Variants in THRB observed in about 807,000 individuals in gnomAD.
The protein encoded by THRB is thyroid hormone receptor beta.
THRB carries 12 observed loss-of-function variants against 47.8 expected under a neutral mutation model. That is an observed-to-expected ratio of 0.25 (90% confidence interval 0.16 to 0.41). The LOEUF (loss-of-function observed/expected upper bound fraction) is 0.41. Among genes scored for constraint, THRB ranks in the 10% least tolerant of loss-of-function variants. The pLI is 1.00. For missense variants in THRB, 348 were observed against 589.2 expected, an observed-to-expected ratio of 0.59 and a Z score of 4.24; for synonymous variants, 218 against 212.2, an observed-to-expected ratio of 1.03 and a Z score of -0.24.
At chr3:24,232,497 TAGGCCCTTCTTTC>T (rs2048356184) in intron 3 of THRB, among the ~76,000 whole-genome samples, 1 of 152,158 alleles carries the variant, frequency 6.6e-6, no homozygotes, top group African/African-American at 2.4e-5. Context: ...CCCAGACCTT[TAGGCCCTTCTTTC>T]AAATAGACCT....
rs57780481 is a variant in THRB at position 24,487,152 on chromosome 3, T to TTG, written c.-261+7498_-261+7499dup. 7.4e-3 allele frequency among the ~76,000 whole-genome samples: 1,119 copies of TTG among 151,086 alleles called. 7 individuals are homozygous for TTG. The highest frequency in any genetic ancestry group is 0.019 in the African/African-American group (788 of 41,252). On this transcript the variant is annotated intron_variant, in intron 1 of 10. Coordinates refer to ENST00000646209, the MANE Select transcript of THRB (RefSeq NM_001354712.2). ...GTGTTGTATACAAGTTGCTAGGGGT[T>TTG]TGTGTGTGTGTGTGTGTGAAAAAGC...
chr3:24,158,021 G>A (rs2038136438), intron 5 of THRB, among the ~76,000 whole-genome samples: 1 of 152,186 alleles, frequency 6.6e-6, no homozygotes, highest in Non-Finnish European at 1.5e-5. Flanking sequence ...TTGATATAAT[G>A]CGTTTGAGTT....
intron 4 of THRB, among the ~76,000 whole-genome samples, chr3:24,210,685 G>A (rs2045930961): frequency 6.6e-6 from 1 of 152,198 alleles, no homozygotes; most frequent in African/African-American, 2.4e-5. Flanking sequence ...TGGCACTGGA[G>A]TTCCTAATTT....
chr3:24,128,726 A>G (rs2033324430), intron 9 of THRB, among the ~76,000 whole-genome samples: 1 of 126,562 alleles, frequency 7.9e-6, no homozygotes. Flanking sequence ...TTACTTACAG[A>G]TGTGGAAATC....
intron 1 of THRB, among the ~76,000 whole-genome samples, chr3:24,373,395 T>A (rs1447588021): frequency 6.6e-6 from 1 of 152,104 alleles, no homozygotes; most frequent in Non-Finnish European, 1.5e-5. Flanking sequence ...TTCAGTACCA[T>A]GTAGATTTTT....
chr3:24,365,185 C>A (rs1257864501), intron 1 of THRB, among the ~76,000 whole-genome samples: 1 of 152,104 alleles, frequency 6.6e-6, no homozygotes, highest in Middle Eastern at 3.2e-3. Flanking sequence ...GCCTTATTCA[C>A]CAACAGTTAC....
intron 4 of THRB, among the ~76,000 whole-genome samples, chr3:24,197,343 T>C (rs1300969637): frequency 1.3e-5 from 2 of 152,248 alleles, no homozygotes; most frequent in Non-Finnish European, 2.9e-5. Flanking sequence ...GGTAAGAATA[T>C]GGGCTCTGCT....
At chr3:24,163,814 TATAGA>T (rs2039249452) in intron 5 of THRB, among the ~76,000 whole-genome samples, 1 of 152,152 alleles carries the variant, frequency 6.6e-6, no homozygotes, top group African/African-American at 2.4e-5. Context: ...GATTGGAAGT[TATAGA>T]ATAACATTAT....
intron 2 of THRB, among the ~76,000 whole-genome samples, chr3:24,314,772 A>G (rs1038253318): frequency 6.6e-6 from 1 of 152,238 alleles, no homozygotes; most frequent in African/African-American, 2.4e-5. Flanking sequence ...TCTTTGGAAC[A>G]TATTCCAGGT....
rs2031438811 is a variant in THRB at position 24,120,259 on chromosome 3, T to C, written c.*2625A>G. On this transcript the variant is annotated 3_prime_UTR_variant, in exon 11 of 11. Transcript: ENST00000646209. Reference sequence around the variant, plus strand: ...GCTTGTCCTACTCCGCATGAAGTATTCAGCCTTCAACGAGATTTCCAGACC... The same window carrying C: ...GCTTGTCCTACTCCGCATGAAGTATCCAGCCTTCAACGAGATTTCCAGACC... The C allele has an allele frequency of 6.6e-6, 1 of 152,212 alleles. No individual in the cohort carries two copies. The highest frequency in any genetic ancestry group is 2.4e-5 in the African/African-American group (1 of 41,440). 9.4% of individuals were successfully genotyped at this position (152,212 alleles called of 1,614,324 possible).
At chr3:24,387,877 G>C (rs1050998302) in intron 1 of THRB, among the ~76,000 whole-genome samples, 10 of 151,918 alleles carry the variant, frequency 6.6e-5, no homozygotes, top group African/African-American at 2.4e-4. Flanking sequence ...GACAGGCCCA[G>C]AGACAGGATG....
chr3:24,332,091 G>A (rs893458771), intron 2 of THRB, among the ~76,000 whole-genome samples: 6 of 152,156 alleles, frequency 3.9e-5, no homozygotes, highest in Non-Finnish European at 7.3e-5. Context: ...TTGCAACTAC[G>A]AGTCGGTAGA....
At chr3:24,235,937 A>G (rs569967312) in intron 3 of THRB, among the ~76,000 whole-genome samples, 1 of 152,116 alleles carries the variant, frequency 6.6e-6, no homozygotes, top group East Asian at 1.9e-4. Context: ...GTATGACTGG[A>G]GTTCATGGGA....
intron 1 of THRB, among the ~76,000 whole-genome samples, chr3:24,397,397 C>A (rs1379998708): frequency 6.6e-6 from 1 of 152,078 alleles, no homozygotes; most frequent in East Asian, 1.9e-4. Flanking sequence ...AAACCAGACT[C>A]ATAACATAAA....
chr3:24,303,544 C>G (rs1395431661), intron 2 of THRB, among the ~76,000 whole-genome samples: 1 of 152,188 alleles, frequency 6.6e-6, no homozygotes, highest in Non-Finnish European at 1.5e-5. Context: ...CTATAGCTGA[C>G]CACAGACGTG....
At chr3:24,344,893 A>G (rs2062911378) in intron 1 of THRB, among the ~76,000 whole-genome samples, 1 of 152,134 alleles carries the variant, frequency 6.6e-6, no homozygotes, top group African/African-American at 2.4e-5. Context: ...GAAAAACACT[A>G]CTGAAGCAAA....
At chr3:24,133,182 G>T in intron 9 of THRB, 134 bp downstream of exon 9, 1 of 977,612 alleles carries the variant, frequency 1.0e-6, no homozygotes, top group Non-Finnish European at 1.6e-6. Context: ...ATGCATTTTC[G>T]TTTTGTACTG....
rs826373 is a variant in THRB at position 24,122,282 on chromosome 3, C to G, written c.*602G>C. The G allele has an allele frequency of 0.23, 36,489 of 158,196 alleles. 4,577 individuals carry two copies. Among genetic ancestry groups the G allele is most frequent in the East Asian group, 0.58 (3,127 of 5,410 alleles). The allele number at this position is 158,196 out of a possible 1,614,324, so 9.8% of individuals were successfully genotyped here. The stretch of plus-strand genomic sequence containing the variant: ...TTGTATAACTTGAATTAAACCATAA[C>G]GTTATAAAAATGATATTGGAAGGGC... On this transcript the variant is annotated 3_prime_UTR_variant, in exon 11 of 11. Coordinates refer to ENST00000646209, the MANE Select transcript of THRB (RefSeq NM_001354712.2).
chr3:24,456,831 G>C lies in THRB; in HGVS notation c.-261+37821C>G, dbSNP rs137986284. On this transcript the variant is annotated intron_variant, in intron 1 of 10. Transcript: ENST00000646209. ...CTTTCAGAGTTTCATTGTACCATTA[G>C]TTAGCATCTAACTTAGGTAGAGAGT... Among the ~76,000 whole-genome samples the C allele has an allele frequency of 8.8e-3, 1,341 of 151,998 alleles. 17 individuals carry two copies. Among genetic ancestry groups the C allele is most frequent in the African/African-American group, 0.031 (1,269 of 41,472 alleles).
Sources: allele counts gnomAD v4.1 joint callset (sites outside exome capture counted in the v4.1 genomes callset), GRCh38; gene constraint gnomAD v4.1.1; transcripts MANE v1.5; gene names NCBI Gene and HGNC (gene_info 2026-07-23, HGNC 2026-07-21).